The following DSP variants were observed in gnomAD, a reference collection of about 807,000 sequenced individuals.
The protein encoded by DSP is 250/210 kDa paraneoplastic pemphigus antigen.
In DSP, 114 loss-of-function variants were observed where a neutral mutation model predicts 290.6. The ratio of observed to expected loss-of-function variants is 0.39; its 90% CI spans 0.34 to 0.46. The LOEUF is 0.46. DSP is among the 20% of genes least tolerant of loss of function. The probability of loss-of-function intolerance (pLI) is 0.99; values close to 1 mark genes in which losing one functional copy is unlikely to be tolerated. For synonymous variants in DSP, 1,311 were observed against 1,316.4 expected (o/e 1.00, Z 0.09); for missense variants, 3,230 against 3,495.8 (o/e 0.92, Z 1.92).
chr6:7,576,805 A>G (rs896003297), intron 19 of DSP, among the ~76,000 whole-genome samples, 154 bp from the exon 20 acceptor site: 1 of 152,232 alleles, frequency 6.6e-6, no homozygotes, highest in Non-Finnish European at 1.5e-5. Context: ...AAAAATGCTC[A>G]TCTCCTAAGC....
chr6:7,573,423 C>T (rs1759121803), intron 15 of DSP, among the ~76,000 whole-genome samples: 1 of 151,966 alleles, frequency 6.6e-6, no homozygotes, highest in Non-Finnish European at 1.5e-5. Flanking sequence ...CTAAAAAGTA[C>T]AAAAATTAGC....
chr6:7,541,707 C>A lies in DSP; in HGVS notation c.-209C>A, dbSNP rs1440917142. 1.6e-6 allele frequency: 1 copy of A among 607,330 alleles called. No individual in the cohort carries two copies. The highest frequency in any genetic ancestry group is 2.8e-6 in the Non-Finnish European group (1 of 360,662). 37.6% of individuals were successfully genotyped at this position (607,330 alleles called of 1,614,324 possible). On this transcript the variant is annotated 5_prime_UTR_variant, in exon 1 of 24. Transcript: ENST00000379802. ...TTGCCGCCCTCCGAGCCACAGCTTT[C>A]CTCCCGCTCCTGCCCCCGGCCCGTC...
chr6:7,580,753 G>A lies in DSP; in HGVS notation c.4563G>A (p.Ala1521=), dbSNP rs774258993. The part of the protein sequence containing the change: ...QYDLQKANSS[A]TETINKLKVQ... The stretch of plus-strand genomic sequence containing the variant: ...ACCTGCAGAAAGCAAACAGTAGTGC[G>A]ACGGAGACAATAAACAAACTGAAGG... Residue 1521 remains alanine (A), a synonymous_variant, in exon 23 of 24, where the codon GCG becomes GCA. Transcript: ENST00000379802. This position sits in a 1 kb window ranked among gnomAD's most constrained non-coding sequence, Gnocchi z 4.2. The A allele has an allele frequency of 9.3e-6, 15 of 1,613,962 alleles. No homozygotes were observed. Among genetic ancestry groups the A allele is most frequent in the South Asian group, 4.4e-5 (4 of 91,092 alleles).
chr6:7,572,519 A>G (rs1207975286), intron 15 of DSP, among the ~76,000 whole-genome samples: 3 of 152,348 alleles, frequency 2.0e-5, no homozygotes, highest in Admixed American at 6.5e-5. Flanking sequence ...GGCACACTGC[A>G]CTGGAAGGCC....
chr6:7,566,563 T>C (rs1270262014), intron 8 of DSP, 82 bp downstream of exon 8: 12 of 1,150,022 alleles, frequency 1.0e-5, no homozygotes, highest in Admixed American at 6.0e-5. Flanking sequence ...GTAATTCTTA[T>C]ATGACTTAAA....
intron 18 of DSP, 117 bp downstream of exon 18, chr6:7,575,605 A>G: frequency 8.1e-7 from 1 of 1,227,222 alleles, no homozygotes; most frequent in Non-Finnish European, 1.2e-6. Context: ...TGTGTAAGTT[A>G]GGCGTAACAG....
Position 7,581,505 on chromosome 6 carries a change from AT to A in DSP, c.5318del (p.Leu1773TyrfsTer8), listed in dbSNP as rs2113696088. The A allele has an allele frequency of 1.2e-6, 2 of 1,614,116 alleles. No homozygotes were observed. Among genetic ancestry groups the A allele is most frequent in the Non-Finnish European group, 1.7e-6 (2 of 1,180,024 alleles). ...RTLELQGLIN[D>X]LQRERENLRQ... ...CTGGAACTGCAGGGGCTGATTAATG[AT>A]TTACAGAGAGAGAGGGAAAATTTGA... On this transcript the variant is annotated frameshift_variant, in exon 23 of 24. Coordinates refer to ENST00000379802, the MANE Select transcript of DSP (RefSeq NM_004415.4). LOFTEE classifies it high-confidence loss of function.
At chr6:7,560,640 C>T (rs77580340) in intron 4 of DSP, among the ~76,000 whole-genome samples, 1,773 of 152,242 alleles carry the variant, frequency 0.012, 31 homozygotes, top group African/African-American at 0.041. Flanking sequence ...AGCTATAATA[C>T]ATTCTTGCTT....
Position 7,571,997 on chromosome 6 carries a change from ACT to A in DSP, c.2063_2064del (p.Leu688GlnfsTer19). 1 of 1,614,132 alleles carries A rather than the reference ACT, an allele frequency of 6.2e-7. No homozygotes were observed. Among genetic ancestry groups the A allele is most frequent in the Non-Finnish European group, 8.5e-7 (1 of 1,180,018 alleles). On this transcript the variant is annotated frameshift_variant, in exon 15 of 24. Coordinates refer to ENST00000379802, the MANE Select transcript of DSP (RefSeq NM_004415.4). LOFTEE classifies it high-confidence loss of function. ...GATAGAGCACTGCGAGGGCAGGATG[ACT>A]CTCAAAAACCTCCCTCTAGCAGACC... is the stretch of plus-strand genomic sequence containing the variant. Reference protein sequence around the residue: ...RQIEHCEGRMTLKNLPLADQG... With the variant: ...RQIEHCEGRMXLKNLPLADQG...
intron 1 of DSP, among the ~76,000 whole-genome samples, chr6:7,547,567 C>T (rs1758202321): frequency 6.6e-6 from 1 of 151,764 alleles, no homozygotes; most frequent in African/African-American, 2.4e-5. Context: ...AGCTTGGGAC[C>T]ACAGGCGTGC....
chr6:7,582,617 C>T lies in DSP; in HGVS notation c.5380-25C>T, dbSNP rs759984414. 6.3e-7 allele frequency: 1 copy of T among 1,581,708 alleles called. No individual in the cohort carries two copies. The highest frequency in any genetic ancestry group is 8.7e-7 in the Non-Finnish European group (1 of 1,151,268). ...ATATGATTCAAAACATTATTTTTTC[C>T]CATTTCTTTCTTCTTCAATTCCAGG... is the stretch of plus-strand genomic sequence containing the variant. On this transcript the variant is annotated intron_variant, in intron 23 of 23. Coordinates refer to ENST00000379802, the MANE Select transcript of DSP (RefSeq NM_004415.4). The surrounding 1 kb of genome is among the most constrained non-coding windows in gnomAD (Gnocchi z 4.2).
chr6:7,543,127 C>A (rs896381178), intron 1 of DSP, among the ~76,000 whole-genome samples: 1 of 152,174 alleles, frequency 6.6e-6, no homozygotes, highest in Admixed American at 6.5e-5. Context: ...TAGATGCCCA[C>A]GTGAGCCGTG....
At chr6:7,571,700 C>G (rs1184013666) in intron 14 of DSP, 116 bp downstream of exon 14, 1 of 1,491,904 alleles carries the variant, frequency 6.7e-7, no homozygotes, top group Non-Finnish European at 9.3e-7. Context: ...AGCCAGTGTT[C>G]TTCGTGCACT....
At chr6:7,550,432 C>G (rs2113645287) in intron 1 of DSP, among the ~76,000 whole-genome samples, 1 of 152,234 alleles carries the variant, frequency 6.6e-6, no homozygotes, top group Middle Eastern at 3.4e-3. Flanking sequence ...TTTTGGAGTC[C>G]TATTTTTAAA....
intron 7 of DSP, 125 bp from the exon 8 acceptor site, chr6:7,566,252 G>C: frequency 1.3e-6 from 1 of 786,056 alleles, no homozygotes; most frequent in Non-Finnish European, 2.2e-6. Context: ...GGAAAACAGC[G>C]TGATTCTTTG....
chr6:7,566,595 A>AT (rs1170815327), intron 8 of DSP, 114 bp downstream of exon 8: 2 of 891,418 alleles, frequency 2.2e-6, no homozygotes, highest in African/African-American at 1.7e-5. Flanking sequence ...TTTATTTTCT[A>AT]TTTTGGGATC....
rs1367282773 is a variant in DSP, at chr6:7,584,913, A to G, written c.7651A>G (p.Ser2551Gly). Residue 2551 changes from serine to glycine, a missense_variant, in exon 24 of 24, where the codon AGC (serine) becomes GGC (glycine). Around this residue, in one of 5 missense-constraint regions of DSP, gnomAD observed 582 missense variants for 555.4 expected, o/e 1.05. Coordinates refer to ENST00000379802, the MANE Select transcript of DSP (RefSeq NM_004415.4). The surrounding 1 kb of genome is among the most constrained non-coding windows in gnomAD (Gnocchi z 6.4). ...RKFFDQYRSG[S>G]LSLTQFADMI... The stretch of plus-strand genomic sequence containing the variant: ...GTTCTTTGATCAGTACCGATCCGGC[A>G]GCCTCAGCCTCACTCAATTTGCTGA... The G allele has an allele frequency of 6.2e-7, 1 of 1,614,094 alleles. No homozygotes were observed. Among genetic ancestry groups the G allele is most frequent in the African/African-American group, 1.3e-5 (1 of 74,934 alleles).
In DSP at chr6:7,582,448, C is replaced by T. The variant is rs1212758095; in HGVS notation, c.5380-194C>T. Among the ~76,000 whole-genome samples, 1 of 150,928 alleles carries T rather than the reference C, an allele frequency of 6.6e-6. No homozygotes were observed. Among genetic ancestry groups the T allele is most frequent in the Non-Finnish European group, 1.5e-5 (1 of 67,828 alleles). The stretch of plus-strand genomic sequence containing the variant: ...AGTATGAAGCCATTTATTGAAGTGG[C>T]AACATATACAGAATTTTTCCCACAA... On this transcript the variant is annotated intron_variant, in intron 23 of 23. Transcript: ENST00000379802. The surrounding 1 kb of genome is among the most constrained non-coding windows in gnomAD (Gnocchi z 4.2).
rs750031833 is a variant in DSP at position 7,558,760 on chromosome 6, G to A, written c.423-466G>A. On this transcript the variant is annotated intron_variant, in intron 3 of 23. Coordinates refer to ENST00000379802, the MANE Select transcript of DSP (RefSeq NM_004415.4). ...AAGTCCTAGGCTCAAGCAATCCTCC[G>A]TCTTGTGCTTCCCAAAGTGCTGGGA... 5.9e-5 allele frequency among the ~76,000 whole-genome samples: 9 copies of A among 152,066 alleles called. No individual in the cohort carries two copies. The South Asian group carries it at 6.2e-4, about 11-fold the overall frequency.
Sources: gnomAD v4.1 joint callset for allele counts (sites outside exome capture counted in the v4.1 genomes callset) on GRCh38, gnomAD v4.1.1 for gene constraint, gnomAD v4.1.1 regional missense constraint, Gnocchi (gnomAD v3.1) non-coding constraint, MANE v1.5 for transcripts, NCBI Gene and HGNC (gene_info 2026-07-23, HGNC 2026-07-21) for gene names.